Variants in EXPH5 observed in about 807,000 individuals in gnomAD.
EXPH5 encodes the protein exophilin-5.
In EXPH5, 42 loss-of-function variants were observed where a neutral mutation model predicts 41.1. The observed-to-expected ratio is 1.02, with a 90% CI of 0.80 to 1.32. The LOEUF is 1.32. EXPH5 is among the 40% of genes most tolerant of loss of function. EXPH5 has a pLI of 0.00. For missense variants in EXPH5, 2,298 were observed against 2,314.5 expected (o/e 0.99, Z 0.15); for synonymous variants, 798 against 833.5 (o/e 0.96, Z 0.73).
chr11:108,526,037 C>T (rs181530413), intron 4 of EXPH5, among the ~76,000 whole-genome samples: 41 of 151,410 alleles, frequency 2.7e-4, no homozygotes, highest in Non-Finnish European at 1.0e-4. Flanking sequence ...ACCTCAGCTT[C>T]CTGATTAGCT....
Position 108,510,673 on chromosome 11 carries a change from G to T in EXPH5, c.4834C>A (p.Pro1612Thr). The change falls in exon 6 of 6, where the codon CCC becomes ACC. Residue 1612 changes from proline (P) to threonine (T), a missense_variant. Coordinates refer to ENST00000265843, the MANE Select transcript of EXPH5 (RefSeq NM_015065.3). ...AAGATAGTAGCTACATGTCTTCTGGGGCTTACATCTTTAGCTGGGAATTTT... is the reference window on the plus strand; with the variant it reads ...AAGATAGTAGCTACATGTCTTCTGGTGCTTACATCTTTAGCTGGGAATTTT... The part of the protein sequence containing the change: ...SRKFPAKDVS[P>T]RRHVATIFPQ... 6.2e-7 allele frequency: 1 copy of T among 1,614,078 alleles called. No homozygotes were observed.
Position 108,509,639 on chromosome 11 carries a change from A to T in EXPH5, c.5868T>A (p.Leu1956=), listed in dbSNP as rs147980822. The change falls in exon 6 of 6, where the codon CTT becomes CTA. Residue 1956 remains leucine (L), a synonymous_variant. Transcript: ENST00000265843. The part of the protein sequence containing the change: ...PEDGLSPSEP[L]NIYEDDPVDS... ...CCACTGGGTCATCCTCATAGATATT[A>T]AGCGGTTCACTTGGAGATAAGCCAT... 6 of 1,613,742 alleles carry T rather than the reference A, an allele frequency of 3.7e-6. 1 individual carries two copies. Among genetic ancestry groups the T allele is most frequent in the Non-Finnish European group, 4.2e-6 (5 of 1,179,838 alleles).
rs911169862 is a variant in EXPH5, at chr11:108,515,398, C to T, written c.632-523G>A. 2.7e-5 allele frequency among the ~76,000 whole-genome samples: 4 copies of T among 147,120 alleles called. No individual in the cohort carries two copies. In the East Asian group the frequency reaches 5.9e-4, roughly 22 times the overall value. ...AGTAGCATATGATTTCTAGGTTGTA[C>T]TGTTAAGAAAACAGTATTACCACTA... On this transcript the variant is annotated intron_variant, in intron 5 of 5. Coordinates refer to ENST00000265843, the MANE Select transcript of EXPH5 (RefSeq NM_015065.3).
intron 1 of EXPH5, among the ~76,000 whole-genome samples, chr11:108,560,756 T>C (rs965506834): frequency 1.3e-5 from 2 of 152,210 alleles, no homozygotes; most frequent in Non-Finnish European, 2.9e-5. Context: ...CTGCCAGCAG[T>C]ACAAACGCAA....
At chr11:108,530,756 C>A (rs940751148) in intron 3 of EXPH5, among the ~76,000 whole-genome samples, 3 of 152,092 alleles carry the variant, frequency 2.0e-5, no homozygotes, top group African/African-American at 7.2e-5. Flanking sequence ...AGCTAAAGGG[C>A]CAGAGGGTGC....
chr11:108,528,997 C>CACACCCTCTTTCTTAACCAGAGGG (rs2093819007), intron 3 of EXPH5, among the ~76,000 whole-genome samples: 1 of 151,898 alleles, frequency 6.6e-6, no homozygotes, highest in Non-Finnish European at 1.5e-5. Flanking sequence ...GCCGTGGTGC[C>CACACCCTCTTTCTTAACCAGAGGG]TGGCCAGAGC....
chr11:108,537,944 A>G, intron 3 of EXPH5: 2 of 983,616 alleles, frequency 2.0e-6, no homozygotes, highest in Non-Finnish European at 1.2e-6. Context: ...AAAAATTTTT[A>G]CAGAGAAAAA....
chr11:108,547,857 C>T (rs939069917), intron 1 of EXPH5, among the ~76,000 whole-genome samples: 1 of 152,046 alleles, frequency 6.6e-6, no homozygotes, highest in Non-Finnish European at 1.5e-5. Flanking sequence ...TGCCTGTAAT[C>T]CCAGCACTTT....
At position 108,510,014 on chromosome 11, in the gene EXPH5, A is replaced by G. The variant is rs779907197; in HGVS notation, c.5493T>C (p.Ser1831=). 7 of 1,613,466 alleles carry G rather than the reference A, an allele frequency of 4.3e-6. No individual in the cohort carries two copies. The highest frequency in any genetic ancestry group is 4.2e-6 in the Non-Finnish European group (5 of 1,179,810). The change falls in exon 6 of 6, where the codon AGT becomes AGC. Residue 1831 remains serine (S), a synonymous_variant. Coordinates refer to ENST00000265843, the MANE Select transcript of EXPH5 (RefSeq NM_015065.3). ...SESTSIDNAL[S]RLTLGNEFSV... ...AGAATTCATTCCCAAGGGTCAGTCG[A>G]CTCAGGGCATTGTCAATAGAAGTGC... is the stretch of plus-strand genomic sequence containing the variant.
At position 108,513,291 on chromosome 11, in the gene EXPH5, A is replaced by G. The variant is rs191651215; in HGVS notation, c.2216T>C (p.Leu739Ser). The change falls in exon 6 of 6, where the codon TTA becomes TCA. Residue 739 changes from leucine (L) to serine (S), a missense_variant. By Grantham distance (145) the Leu-to-Ser change is moderately radical. Coordinates refer to ENST00000265843, the MANE Select transcript of EXPH5 (RefSeq NM_015065.3). Reference sequence around the variant, plus strand: ...GGATAAGGGATTTTGAAAATCAGGTAAAGAGTTTGAGATCCCTGTCTGTGA... The same window carrying G: ...GGATAAGGGATTTTGAAAATCAGGTGAAGAGTTTGAGATCCCTGTCTGTGA... ...PVSQTGISNSLPDFQNPLSQD... is the reference protein window; with the variant it reads ...PVSQTGISNSSPDFQNPLSQD... 52 of 1,612,598 alleles carry G rather than the reference A, an allele frequency of 3.2e-5. No homozygotes were observed. The highest frequency in any genetic ancestry group is 4.4e-5 in the Non-Finnish European group (52 of 1,179,498).
chr11:108,530,692 G>A (rs1159590011), intron 3 of EXPH5, among the ~76,000 whole-genome samples: 1 of 152,208 alleles, frequency 6.6e-6, no homozygotes. Context: ...CTTCTGATTT[G>A]GAGTGATGGC....
Position 108,512,389 on chromosome 11 carries a change from T to A in EXPH5, c.3118A>T (p.Ile1040Leu). The A allele has an allele frequency of 6.2e-7, 1 of 1,609,588 alleles. No homozygotes were observed. The highest frequency in any genetic ancestry group is 8.5e-7 in the Non-Finnish European group (1 of 1,178,462). ...CCATTCCTCAATGAAGCAGCCATTA[T>A]TTTACTTCCTGACTGCCTGCCATGT... ...LIHGRQSGSK[I>L]MAASLRNGPP... Residue 1040 changes from isoleucine (I) to leucine (L), a missense_variant, in exon 6 of 6, where the codon ATA becomes TTA. Ile to Leu is a conservative substitution (Grantham distance 5). Transcript: ENST00000265843.
chr11:108,532,366 A>ATTTTTT (rs1168217383), intron 3 of EXPH5, among the ~76,000 whole-genome samples: 2 of 32,132 alleles, frequency 6.2e-5, no homozygotes, highest in African/African-American at 4.1e-4. Context: ...ATATATATAT[A>ATTTTTT]TTTTTTTTTT....
chr11:108,548,109 TAAAAAA>T (rs66485994), intron 1 of EXPH5, among the ~76,000 whole-genome samples: 19 of 108,194 alleles, frequency 1.8e-4, no homozygotes, highest in Admixed American at 4.2e-4. Flanking sequence ...ACTTCATCTT[TAAAAAA>T]AAAAAAAAAA....
In EXPH5 at chr11:108,593,416, A is replaced by G; in HGVS notation, c.119+2T>C. ...GACAAAAGAAATGAATTTGCTCTGT[A>G]CCTGATCCTGTCCTTCTCGGCCCTC... On this transcript the variant is annotated splice_donor_variant, in intron 1 of 5. Coordinates refer to ENST00000265843, the MANE Select transcript of EXPH5 (RefSeq NM_015065.3). LOFTEE classifies it high-confidence loss of function. 1 of 1,611,902 alleles carries G rather than the reference A, an allele frequency of 6.2e-7. No individual in the cohort carries two copies. The highest frequency in any genetic ancestry group is 8.5e-7 in the Non-Finnish European group (1 of 1,177,996).
chr11:108,543,127 G>T (rs888403665), intron 1 of EXPH5, among the ~76,000 whole-genome samples: 1 of 152,142 alleles, frequency 6.6e-6, no homozygotes, highest in Non-Finnish European at 1.5e-5. Flanking sequence ...AATTTGAGAC[G>T]GACAGAAAAG....
the EXPH5 span, among the ~76,000 whole-genome samples, chr11:108,605,017 G>A: frequency 1.3e-5 from 2 of 152,312 alleles, no homozygotes; most frequent in Admixed American, 6.5e-5. Flanking sequence ...GAAGTAAGAG[G>A]TGAGTGGACA....
At chr11:108,580,472 G>T (rs2094094619) in intron 1 of EXPH5, among the ~76,000 whole-genome samples, 6 of 152,116 alleles carry the variant, frequency 3.9e-5, no homozygotes. Context: ...ATGCAAACTA[G>T]TATAGCCACT....
At chr11:108,564,282 T>C (rs2136085830) in intron 1 of EXPH5, among the ~76,000 whole-genome samples, 1 of 152,032 alleles carries the variant, frequency 6.6e-6, no homozygotes, top group East Asian at 1.9e-4. Flanking sequence ...AACAAGACGG[T>C]CTAAAAAAAT....
Sources: allele counts gnomAD v4.1 joint callset (sites outside exome capture counted in the v4.1 genomes callset), GRCh38; gene constraint gnomAD v4.1.1; transcripts MANE v1.5; gene names NCBI Gene and HGNC (gene_info 2026-07-23, HGNC 2026-07-21).